GANC: variants seen among roughly 807,000 people sequenced by gnomAD.
The protein encoded by GANC is neutral alpha-glucosidase C.
GANC carries 117 observed loss-of-function variants against 124.2 expected under a neutral mutation model. That is an observed-to-expected ratio of 0.94 (90% CI 0.81 to 1.10). The LOEUF is 1.10. Among genes scored for constraint, GANC ranks in the 50% least tolerant of loss-of-function variants. GANC has a pLI of 0.00. For missense variants in GANC, 1,140 were observed against 1,095.0 expected (o/e 1.04, Z -0.58); for synonymous variants, 377 against 376.8 (o/e 1.00, Z -0.01).
At chr15:42,315,690 C>T (rs1215615243) in intron 10 of GANC, among the ~76,000 whole-genome samples, 4 of 152,142 alleles carry the variant, frequency 2.6e-5, no homozygotes, top group Admixed American at 2.6e-4. Context: ...GTCTAGATGT[C>T]TCTGTGAAAG....
At chr15:42,324,191 A>G (rs989040919) in intron 11 of GANC, among the ~76,000 whole-genome samples, 8 of 152,160 alleles carry the variant, frequency 5.3e-5, no homozygotes, top group African/African-American at 2.4e-5. Context: ...GCTCAACACC[A>G]CTAATCATTA....
intron 4 of GANC, among the ~76,000 whole-genome samples, chr15:42,289,581 A>G (rs74009043): frequency 0.019 from 2,921 of 152,266 alleles, 116 homozygotes; most frequent in African/African-American, 0.068. Flanking sequence ...GTTTTCTACA[A>G]TTGAGCCTTG....
intron 8 of GANC, among the ~76,000 whole-genome samples, chr15:42,309,520 G>C (rs998696611): frequency 6.6e-6 from 1 of 151,844 alleles, no homozygotes; most frequent in African/African-American, 2.4e-5. Context: ...GGCTTTCACA[G>C]TGTTGGCCAG....
intron 15 of GANC, among the ~76,000 whole-genome samples, chr15:42,334,637 AT>A (rs748588666): frequency 5.9e-5 from 9 of 152,374 alleles, no homozygotes; most frequent in Non-Finnish European, 8.8e-5. Flanking sequence ...GAGGAAAAAA[AT>A]ATTTGAAATA....
Position 42,330,605 on chromosome 15 carries a change from A to G in GANC, c.1674A>G (p.Lys558=), listed in dbSNP as rs2141064947. The G allele has an allele frequency of 1.2e-6, 2 of 1,611,766 alleles. No individual in the cohort carries two copies. Among genetic ancestry groups the G allele is most frequent in the East Asian group, 4.5e-5 (2 of 44,820 alleles). ...HQMATAEGLI[K]RSKGKERPFV... Reference sequence around the variant, plus strand: ...TGGCTACTGCAGAAGGACTGATAAAACGATCTAAAGGGAAGGAGAGACCCT... The same window carrying G: ...TGGCTACTGCAGAAGGACTGATAAAGCGATCTAAAGGGAAGGAGAGACCCT... Residue 558 remains lysine, a synonymous_variant, in exon 15 of 24, where the codon AAA becomes AAG. Coordinates refer to ENST00000318010, the MANE Select transcript of GANC (RefSeq NM_198141.3).
intron 10 of GANC, among the ~76,000 whole-genome samples, chr15:42,318,219 C>T (rs143611710): frequency 3.0e-4 from 45 of 152,204 alleles, no homozygotes; most frequent in African/African-American, 1.0e-3. Context: ...TTCTTCAGTT[C>T]CCTGTTTTTC....
At position 42,338,408 on chromosome 15, in the gene GANC, C is replaced by T; in HGVS notation, c.1761C>T (p.Asp587=). Reference sequence around the variant, plus strand: ...CCAAAGGTGCCGTGTGGACAGGCGACAACACAGCAGAATGGAGCAACTTGA... The same window carrying T: ...CCAAAGGTGCCGTGTGGACAGGCGATAACACAGCAGAATGGAGCAACTTGA... ...SQKYGAVWTG[D]NTAEWSNLKI... is the part of the protein sequence containing the mutation. Residue 587 remains aspartate (D), a synonymous_variant, in exon 16 of 24, where the codon GAC becomes GAT. Coordinates refer to ENST00000318010, the MANE Select transcript of GANC (RefSeq NM_198141.3). 1.2e-6 allele frequency: 2 copies of T among 1,613,858 alleles called. No homozygotes were observed. The highest frequency in any genetic ancestry group is 1.7e-6 in the Non-Finnish European group (2 of 1,179,826).
intron 6 of GANC, among the ~76,000 whole-genome samples, chr15:42,306,142 T>G (rs962179380): frequency 6.6e-6 from 1 of 151,958 alleles, no homozygotes; most frequent in Non-Finnish European, 1.5e-5. Flanking sequence ...TTATTCTGCC[T>G]CAGCCTCCTG....
chr15:42,333,569 A>C (rs983484467), intron 15 of GANC, among the ~76,000 whole-genome samples: 4 of 152,198 alleles, frequency 2.6e-5, no homozygotes, highest in African/African-American at 9.6e-5. Context: ...TGGCTTAGGC[A>C]TCAGAGTGCC....
chr15:42,327,609 G>A, intron 13 of GANC, 167 bp downstream of exon 13: 2 of 576,302 alleles, frequency 3.5e-6, no homozygotes, highest in South Asian at 4.6e-5. Context: ...GGTGCTGGGA[G>A]AGGTGCCATA....
At chr15:42,325,320 G>T (rs557962325) in intron 11 of GANC, among the ~76,000 whole-genome samples, 1 of 151,928 alleles carries the variant, frequency 6.6e-6, no homozygotes, top group African/African-American at 2.4e-5. Context: ...GAGCAATGAA[G>T]AATTAAACTT....
In GANC at chr15:42,273,423, G is replaced by C; in HGVS notation, c.-1059G>C. 4 of 1,613,156 alleles carry C rather than the reference G, an allele frequency of 2.5e-6. No individual in the cohort carries two copies. The highest frequency in any genetic ancestry group is 3.4e-6 in the Non-Finnish European group (4 of 1,179,798). On this transcript the variant is annotated 5_prime_UTR_variant, in exon 1 of 24. Transcript: ENST00000318010. ...TCTTCACAGCCGTGGAGTGCCTACC[G>C]AAAGCATTTCACCCTCTTCCGGTTC...
At chr15:42,338,157 AAAAG>A (rs2052298101) in intron 15 of GANC, among the ~76,000 whole-genome samples, 1 of 150,154 alleles carries the variant, frequency 6.7e-6, no homozygotes, top group Admixed American at 6.6e-5. Flanking sequence ...ATACTTAAAA[AAAAG>A]TGCAATTTCA....
In GANC at chr15:42,321,892, G is replaced by T; in HGVS notation, c.1165G>T (p.Asp389Tyr). The T allele has an allele frequency of 6.2e-7, 1 of 1,614,192 alleles. No individual in the cohort carries two copies. Among genetic ancestry groups the T allele is most frequent in the East Asian group, 2.2e-5 (1 of 44,878 alleles). Residue 389 changes from aspartate to tyrosine, a missense_variant, in exon 11 of 24, where the codon GAC becomes TAC. Transcript: ENST00000318010. ...KAVDAGFDEH[D>Y]IPYDAMWLDI... ...AGTGGATGCAGGGTTTGATGAGCAT[G>T]ACATTCCTTATGATGCCATGTGGCT...
chr15:42,303,696 G>T (rs2051968713), intron 6 of GANC, among the ~76,000 whole-genome samples: 1 of 144,530 alleles, frequency 6.9e-6, no homozygotes, highest in East Asian at 2.0e-4. Flanking sequence ...GAAAGCAGGG[G>T]TTGAAATCTT....
chr15:42,297,681 G>T lies in GANC; in HGVS notation c.558+25G>T, dbSNP rs773350492. ...GGTAATCTAGATTGATCCATTTATT[G>T]TTATCTTTTTCACCATCATCATCAT... On this transcript the variant is annotated intron_variant, in intron 6 of 23. Transcript: ENST00000318010. 2.6e-6 allele frequency: 4 copies of T among 1,550,254 alleles called. No individual in the cohort carries two copies. In the South Asian group the frequency reaches 4.6e-5, roughly 18 times the overall value.
chr15:42,341,316 G>A (rs1186856179), intron 18 of GANC, among the ~76,000 whole-genome samples: 2 of 151,930 alleles, frequency 1.3e-5, no homozygotes, highest in Non-Finnish European at 2.9e-5. Flanking sequence ...CTTGTTCTGG[G>A]TTCACTCCTC....
intron 4 of GANC, among the ~76,000 whole-genome samples, chr15:42,292,119 A>G (rs1309782342): frequency 6.6e-6 from 1 of 152,170 alleles, no homozygotes; most frequent in Admixed American, 6.5e-5. Context: ...TGGATCTAAA[A>G]CATCCTAACA....
intron 22 of GANC, 141 bp from the exon 23 acceptor site, chr15:42,351,188 A>G: frequency 1.6e-6 from 1 of 609,510 alleles, no homozygotes; most frequent in Non-Finnish European, 2.9e-6. Flanking sequence ...TTATCTCTTC[A>G]TCCTAGTAAA....
Sources: gnomAD v4.1 joint callset for allele counts (sites outside exome capture counted in the v4.1 genomes callset) on GRCh38, gnomAD v4.1.1 for gene constraint, MANE v1.5 for transcripts, NCBI Gene and HGNC (gene_info 2026-07-23, HGNC 2026-07-21) for gene names.